SLC2A9: variants seen among roughly 807,000 people sequenced by gnomAD.
SLC2A9 encodes the protein solute carrier family 2, facilitated glucose transporter member 9.
Under a neutral mutation model 50.6 loss-of-function variants are expected in SLC2A9, and 39 were observed. That is an observed-to-expected ratio of 0.77 (90% CI 0.60 to 1.01). SLC2A9 has a LOEUF of 1.01. Ranked by LOEUF, SLC2A9 falls within the 50% of genes least tolerant of loss-of-function variation. SLC2A9 has a pLI of 0.00. For missense variants in SLC2A9, 686 were observed against 677.6 expected, an observed-to-expected ratio of 1.01 and a Z score of -0.14; for synonymous variants, 324 against 276.9, an observed-to-expected ratio of 1.17 and a Z score of -1.69.
intron 1 of SLC2A9, among the ~76,000 whole-genome samples, chr4:10,019,849 C>G (rs987205137): frequency 2.0e-5 from 3 of 152,254 alleles, no homozygotes; most frequent in African/African-American, 7.2e-5. Flanking sequence ...GCAGCCCCAT[C>G]TAAGGACAGC....
intron 5 of SLC2A9, among the ~76,000 whole-genome samples, chr4:9,951,098 C>A (rs1750167359): frequency 6.6e-6 from 1 of 152,084 alleles, no homozygotes; most frequent in Admixed American, 6.6e-5. Context: ...CCTAAGTGTC[C>A]ATCAATGGAT....
chr4:9,882,490 C>T (rs6838891), intron 10 of SLC2A9, among the ~76,000 whole-genome samples: 68,900 of 151,702 alleles, frequency 0.45, 18,174 homozygotes, highest in African/African-American at 0.73. Flanking sequence ...AGGCGGATCA[C>T]GAGGTCAGGT....
At chr4:10,026,040 A>C, upstream of SLC2A9, 1 of 1,505,738 alleles carries the variant, frequency 6.6e-7, no homozygotes, top group Non-Finnish European at 9.2e-7. Flanking sequence ...GCCATTAGAC[A>C]GCTGCTTTCT....
At chr4:9,939,401 T>C (rs1747714842) in intron 6 of SLC2A9, among the ~76,000 whole-genome samples, 1 of 152,244 alleles carries the variant, frequency 6.6e-6, no homozygotes, top group Non-Finnish European at 1.5e-5. Context: ...AATAGTTGAC[T>C]AACACAGGGC....
intron 3 of SLC2A9, among the ~76,000 whole-genome samples, chr4:9,815,419 T>G (rs1380313951): frequency 1.3e-5 from 2 of 152,066 alleles, no homozygotes; most frequent in Non-Finnish European, 2.9e-5. Flanking sequence ...CAAGTAAGAG[T>G]AGCTTAAACT....
At chr4:9,947,408 T>C (rs1749383576) in intron 5 of SLC2A9, among the ~76,000 whole-genome samples, 1 of 152,138 alleles carries the variant, frequency 6.6e-6, no homozygotes, top group South Asian at 2.1e-4. Flanking sequence ...AGCTCCCTGA[T>C]AAGGGGGTGG....
rs1577408657 is a variant in SLC2A9 at position 9,826,481 on chromosome 4, T to C, written c.1539A>G (p.Ala513=). The C allele has an allele frequency of 1.9e-6, 3 of 1,613,336 alleles. No individual in the cohort carries two copies. Among genetic ancestry groups the C allele is most frequent in the Non-Finnish European group, 2.5e-6 (3 of 1,179,634 alleles). The stretch of plus-strand genomic sequence containing the variant: ...GGTATGCTTTGTTCCTTTTGGAAAA[T>C]GCCTGGCTGATTTCTGCATAGGTTC... ...KNRTYAEISQ[A]FSKRNKAYPP... Residue 513 remains alanine, a synonymous_variant, in exon 12 of 12, where the codon GCA becomes GCG. Coordinates refer to ENST00000264784, the MANE Select transcript of SLC2A9 (RefSeq NM_020041.3).
rs1287341317 is a variant in SLC2A9, at chr4:9,826,274, C to T, written c.*123G>A. 1.5e-5 allele frequency: 14 copies of T among 910,800 alleles called. No individual in the cohort carries two copies. Among genetic ancestry groups the T allele is most frequent in the African/African-American group, 5.0e-5 (3 of 60,450 alleles). The allele number at this position is 910,800 out of a possible 1,614,324, so 56.4% of individuals were successfully genotyped here. ...AATATTTAATAATATAAAAGACTTG[C>T]ATAGCTTCAATTCATTTAAGCTTCC... On this transcript the variant is annotated 3_prime_UTR_variant, in exon 12 of 12. Transcript: ENST00000264784.
chr4:9,821,508 G>T (rs1317925311), downstream of SLC2A9, among the ~76,000 whole-genome samples: 1 of 152,150 alleles, frequency 6.6e-6, no homozygotes, highest in Non-Finnish European at 1.5e-5. Context: ...GGGCTGGGGG[G>T]CAAGAGGAGG....
rs913436529 is a variant in SLC2A9, at chr4:9,826,343, C to T, written c.*54G>A. The T allele has an allele frequency of 4.5e-6, 7 of 1,568,786 alleles. No homozygotes were observed. The Admixed American group carries it at 1.0e-4, about 22-fold the overall frequency. On this transcript the variant is annotated 3_prime_UTR_variant, in exon 12 of 12. Coordinates refer to ENST00000264784, the MANE Select transcript of SLC2A9 (RefSeq NM_020041.3). ...AAGTTTCCTGAAAAGTGAGATCATC[C>T]ATGTAGACAATCCTGTTTTTGACAT...
intron 10 of SLC2A9, among the ~76,000 whole-genome samples, chr4:9,857,512 C>T (rs1730923402): frequency 6.6e-6 from 1 of 152,206 alleles, no homozygotes; most frequent in African/African-American, 2.4e-5. Context: ...CCACATCCAC[C>T]TGCCGGCTGG....
intron 3 of SLC2A9, 102 bp downstream of exon 3, chr4:9,996,679 A>G: frequency 1.4e-6 from 2 of 1,405,866 alleles, no homozygotes; most frequent in Non-Finnish European, 2.0e-6. Flanking sequence ...CTCCAGTTGA[A>G]CTGCCTGAGT....
intron 6 of SLC2A9, among the ~76,000 whole-genome samples, chr4:9,931,254 C>T (rs1039901515): frequency 1.3e-5 from 2 of 152,208 alleles, no homozygotes; most frequent in Non-Finnish European, 2.9e-5. Flanking sequence ...TCCTGTGGCT[C>T]ATACCTCATG....
intron 11 of SLC2A9, among the ~76,000 whole-genome samples, chr4:9,827,288 G>A (rs1374487384): frequency 2.6e-5 from 4 of 152,160 alleles, no homozygotes; most frequent in Non-Finnish European, 4.4e-5. Context: ...CATATTTGTG[G>A]AATAAAAGAC....
chr4:9,837,406 G>A (rs1429575177), intron 10 of SLC2A9, among the ~76,000 whole-genome samples: 2 of 152,192 alleles, frequency 1.3e-5, no homozygotes, highest in Non-Finnish European at 2.9e-5. Flanking sequence ...TAACACCACT[G>A]GGAATCAGTT....
chr4:9,784,326 A>G (rs772974676), intron 3 of SLC2A9, among the ~76,000 whole-genome samples: 3 of 151,974 alleles, frequency 2.0e-5, no homozygotes, highest in African/African-American at 7.3e-5. Context: ...ACATAAGACA[A>G]CTCTCCTTAT....
intron 7 of SLC2A9, among the ~76,000 whole-genome samples, chr4:9,912,266 T>C (rs1036295641): frequency 6.6e-6 from 1 of 151,896 alleles, no homozygotes; most frequent in East Asian, 1.9e-4. Context: ...GTTGTGCACA[T>C]GTACCCTAAA....
At chr4:9,861,099 C>A (rs968577319) in intron 10 of SLC2A9, among the ~76,000 whole-genome samples, 1 of 152,252 alleles carries the variant, frequency 6.6e-6, no homozygotes, top group South Asian at 2.1e-4. Context: ...TAAAGAAATA[C>A]CTGAGACTGG....
At chr4:9,812,836 A>C (rs1024231402) in intron 3 of SLC2A9, among the ~76,000 whole-genome samples, 2 of 152,166 alleles carry the variant, frequency 1.3e-5, no homozygotes, top group African/African-American at 4.8e-5. Context: ...GGCTGAGACA[A>C]ACTGCAGTCC....
Sources: allele counts gnomAD v4.1 joint callset (sites outside exome capture counted in the v4.1 genomes callset), GRCh38; gene constraint gnomAD v4.1.1; transcripts MANE v1.5; gene names NCBI Gene and HGNC (gene_info 2026-07-23, HGNC 2026-07-21).